The following GDAP1 variants were observed in gnomAD, a reference collection of about 807,000 sequenced individuals.
The protein encoded by GDAP1 is ganglioside induced differentiation associated protein 1, also known as ganglioside-induced differentiation-associated protein 1.
GDAP1 carries 34 observed loss-of-function variants against 40.1 expected under a neutral mutation model. The observed-to-expected ratio is 0.85, with a 90% confidence interval of 0.64 to 1.13. The LOEUF (loss-of-function observed/expected upper bound fraction) is 1.13, where lower values mean the gene tolerates loss of function less well. Among genes scored for constraint, GDAP1 ranks in the 50% most tolerant of loss-of-function variants. The probability of loss-of-function intolerance (pLI) is 0.00; values close to 1 mark genes in which losing one functional copy is unlikely to be tolerated. For synonymous variants in GDAP1, 170 were observed against 157.4 expected (o/e 1.08, Z -0.60); for missense variants, 374 against 433.7 (o/e 0.86, Z 1.22).
intron 2 of GDAP1, among the ~76,000 whole-genome samples, chr8:74,418,902 T>G (rs917019277): frequency 6.6e-6 from 1 of 152,200 alleles, no homozygotes; most frequent in Non-Finnish European, 1.5e-5. Flanking sequence ...AAAGAGGATA[T>G]ACAGATAGCA....
At position 74,400,566 on chromosome 8, in the gene GDAP1, C is replaced by T. The variant is rs554074744; in HGVS notation, c.165+49245C>T. Among the ~76,000 whole-genome samples the T allele has an allele frequency of 2.3e-4, 35 of 149,958 alleles. 4 individuals carry two copies. The highest frequency in any genetic ancestry group is 8.4e-4 in the African/African-American group (33 of 39,396). On this transcript the variant is annotated intron_variant, in intron 2 of 2. Coordinates refer to the GDAP1 transcript ENST00000523640. Reference sequence around the variant, plus strand: ...AGTCCATTTACATTTAAAGCTAATACTGTTATGTGTGAATTTGATCCTGTC... The same window carrying T: ...AGTCCATTTACATTTAAAGCTAATATTGTTATGTGTGAATTTGATCCTGTC...
chr8:74,422,484 C>G (rs1172260687), intron 2 of GDAP1, among the ~76,000 whole-genome samples: 1 of 133,130 alleles, frequency 7.5e-6, no homozygotes, highest in Admixed American at 7.5e-5. Flanking sequence ...CTCCCTCCCT[C>G]CCTCCTTTCT....
chr8:74,360,386 A>G, intron 3 of GDAP1, 76 bp downstream of exon 3: 2 of 1,231,346 alleles, frequency 1.6e-6, no homozygotes, highest in Non-Finnish European at 2.4e-6. Context: ...AGCATGTCTC[A>G]TGGTCACTAA....
At chr8:74,468,514 CACACACACACAT>C (rs1210985534) in intron 2 of GDAP1, among the ~76,000 whole-genome samples, 86 of 131,538 alleles carry the variant, frequency 6.5e-4, no homozygotes, top group Non-Finnish European at 9.9e-4. Flanking sequence ...CACACACACA[CACACACACACAT>C]GAATGTGTAT....
At chr8:74,413,796 G>C (rs1234496665) in intron 2 of GDAP1, among the ~76,000 whole-genome samples, 1 of 147,584 alleles carries the variant, frequency 6.8e-6, no homozygotes, top group Non-Finnish European at 1.5e-5. Context: ...GTACATAACA[G>C]AGCAGGGTCA....
chr8:74,464,047 C>T (rs1268193875), intron 2 of GDAP1, among the ~76,000 whole-genome samples: 1 of 152,040 alleles, frequency 6.6e-6, no homozygotes, highest in African/African-American at 2.4e-5. Context: ...TTAACAATAC[C>T]ATCCCAAGAG....
intron 2 of GDAP1, among the ~76,000 whole-genome samples, chr8:74,477,948 G>A (rs2128721276): frequency 6.6e-6 from 1 of 152,302 alleles, no homozygotes. Context: ...TGCTGATGGT[G>A]GTGTTAGGAT....
chr8:74,380,522 G>T (rs1809934802), intron 2 of GDAP1, among the ~76,000 whole-genome samples: 1 of 148,838 alleles, frequency 6.7e-6, no homozygotes. Flanking sequence ...TTTCACCAAA[G>T]GGGCATGTTC....
At chr8:74,399,924 A>T (rs535708796) in intron 2 of GDAP1, among the ~76,000 whole-genome samples, 1 of 144,268 alleles carries the variant, frequency 6.9e-6, no homozygotes, top group South Asian at 2.2e-4. Context: ...ACAGTTTGTT[A>T]TAATTTCTGT....
chr8:74,372,771 T>C (rs1809777502), intron 2 of GDAP1, among the ~76,000 whole-genome samples: 1 of 152,216 alleles, frequency 6.6e-6, no homozygotes, highest in Non-Finnish European at 1.5e-5. Context: ...TTTAGCTTAA[T>C]TAGATTCCAT....
intron 3 of GDAP1, 56 bp from the exon 4 acceptor site, chr8:74,361,828 T>A: frequency 1.1e-6 from 1 of 951,580 alleles, no homozygotes; most frequent in South Asian, 1.3e-5. Flanking sequence ...TTCTCCTTGT[T>A]ACTGGTGTAG....
At chr8:74,420,233 T>A (rs1279287946) in intron 2 of GDAP1, among the ~76,000 whole-genome samples, 1 of 152,142 alleles carries the variant, frequency 6.6e-6, no homozygotes, top group Non-Finnish European at 1.5e-5. Flanking sequence ...TTTTAAATTA[T>A]AGTGGAGTGT....
chr8:74,355,613 C>G (rs749467538), intron 2 of GDAP1, among the ~76,000 whole-genome samples: 19 of 152,252 alleles, frequency 1.2e-4, no homozygotes, highest in Non-Finnish European at 1.9e-4. Context: ...AATGTACACA[C>G]AAATGTGGAT....
chr8:74,351,550 C>G, intron 2 of GDAP1, 84 bp downstream of exon 2: 3 of 998,906 alleles, frequency 3.0e-6, no homozygotes, highest in Non-Finnish European at 3.2e-6. Context: ...TCTCTCCTCT[C>G]TCTCTTTCTC....
chr8:74,381,788 T>C (rs1379819594), intron 2 of GDAP1, among the ~76,000 whole-genome samples: 5 of 150,460 alleles, frequency 3.3e-5, no homozygotes, highest in African/African-American at 7.3e-5. Flanking sequence ...AGTAAGTACA[T>C]GTGAAAAAAT....
chr8:74,442,412 C>T (rs986917259), intron 2 of GDAP1, among the ~76,000 whole-genome samples: 6 of 152,174 alleles, frequency 3.9e-5, no homozygotes, highest in Non-Finnish European at 7.3e-5. Context: ...ATTGAACTTC[C>T]GACACTTTTT....
intron 2 of GDAP1, among the ~76,000 whole-genome samples, chr8:74,432,513 ATCT>A (rs1806040500): frequency 1.3e-5 from 2 of 152,090 alleles, no homozygotes; most frequent in African/African-American, 4.8e-5. Context: ...CGTAGTCCAA[ATCT>A]TCTTCTCTAG....
chr8:74,455,093 A>G (rs1586839846), intron 2 of GDAP1, among the ~76,000 whole-genome samples: 1 of 152,140 alleles, frequency 6.6e-6, no homozygotes, highest in Non-Finnish European at 1.5e-5. Flanking sequence ...TGAAACTTTT[A>G]TTAAAATTAA....
intron 2 of GDAP1, among the ~76,000 whole-genome samples, chr8:74,430,821 T>A (rs1806016928): frequency 6.6e-6 from 1 of 152,026 alleles, no homozygotes; most frequent in Non-Finnish European, 1.5e-5. Context: ...TTGTTGTTTT[T>A]AAAAATATCT....
Sources: allele counts gnomAD v4.1 joint callset (sites outside exome capture counted in the v4.1 genomes callset), GRCh38; gene constraint gnomAD v4.1.1; transcripts MANE v1.5; gene names NCBI Gene and HGNC (gene_info 2026-07-23, HGNC 2026-07-21).